Variants in APP observed in about 807,000 individuals in gnomAD.
APP encodes the protein amyloid-beta precursor protein.
A neutral mutation model predicts 101.4 loss-of-function variants in APP; 31 were observed. The observed-to-expected ratio is 0.31, with a 90% CI of 0.23 to 0.41. APP has a LOEUF of 0.41. Ranked by LOEUF, APP falls within the 10% of genes least tolerant of loss-of-function variation. The pLI is 1.00. For synonymous variants in APP, 366 were observed against 364.4 expected (o/e 1.00, Z -0.05); for missense variants, 839 against 1,003.7 (o/e 0.84, Z 2.22).
chr21:26,046,943 G>A (rs1487792728), intron 5 of APP, among the ~76,000 whole-genome samples: 1 of 152,034 alleles, frequency 6.6e-6, no homozygotes, highest in African/African-American at 2.4e-5. Flanking sequence ...CATTATGTAC[G>A]TAATTATTAT....
intron 1 of APP, among the ~76,000 whole-genome samples, chr21:26,115,407 T>C (rs1398125162): frequency 6.6e-6 from 1 of 152,232 alleles, no homozygotes; most frequent in Non-Finnish European, 1.5e-5. Flanking sequence ...AACCTTCCTA[T>C]TCTTACTGAA....
intron 5 of APP, among the ~76,000 whole-genome samples, chr21:26,045,858 G>GGCAT (rs1346202643): frequency 6.6e-6 from 1 of 152,100 alleles, no homozygotes; most frequent in African/African-American, 2.4e-5. Flanking sequence ...TGCCGATAAA[G>GGCAT]GCATACCTGA....
At chr21:25,892,753 CATT>C (rs2037777424) in intron 16 of APP, among the ~76,000 whole-genome samples, 1 of 152,260 alleles carries the variant, frequency 6.6e-6, no homozygotes, top group South Asian at 2.1e-4. Flanking sequence ...AAAAGCAAGT[CATT>C]ATTTTTCAAC....
chr21:26,025,910 T>C (rs1011693465), intron 5 of APP, among the ~76,000 whole-genome samples: 9 of 152,190 alleles, frequency 5.9e-5, no homozygotes, highest in African/African-American at 1.9e-4. Context: ...ACGGTTTTGT[T>C]TGAATAATGC....
intron 1 of APP, among the ~76,000 whole-genome samples, chr21:26,149,904 G>A (rs189634612): frequency 3.9e-5 from 6 of 152,242 alleles, no homozygotes; most frequent in Admixed American, 3.3e-4. Flanking sequence ...CAACACCCCA[G>A]CATGCTCCCA....
intron 1 of APP, among the ~76,000 whole-genome samples, chr21:26,163,637 A>C (rs879662912): frequency 9.2e-5 from 14 of 152,196 alleles, no homozygotes; most frequent in Non-Finnish European, 1.8e-4. Context: ...TCGTATGTGA[A>C]CCCACTTCTT....
chr21:25,964,650 T>G (rs573825115), intron 11 of APP, among the ~76,000 whole-genome samples: 2 of 150,298 alleles, frequency 1.3e-5, no homozygotes, highest in East Asian at 3.9e-4. Flanking sequence ...ACTCTTGTTA[T>G]ACAGGCTGGA....
chr21:25,903,221 T>C (rs978754673), intron 15 of APP, among the ~76,000 whole-genome samples: 3 of 151,290 alleles, frequency 2.0e-5, no homozygotes, highest in Non-Finnish European at 4.4e-5. Flanking sequence ...ACAAAAAAAT[T>C]AGCTGGGCAT....
intron 2 of APP, among the ~76,000 whole-genome samples, chr21:26,093,606 T>C (rs2061873402): frequency 6.6e-6 from 1 of 152,180 alleles, no homozygotes; most frequent in African/African-American, 2.4e-5. Flanking sequence ...TCCAAGTAGG[T>C]AGAATTGCAA....
intron 8 of APP, among the ~76,000 whole-genome samples, chr21:25,995,707 A>G (rs1056687057): frequency 6.6e-6 from 1 of 152,250 alleles, no homozygotes; most frequent in African/African-American, 2.4e-5. Flanking sequence ...TGCTGTACTT[A>G]CAGTGTTTTT....
chr21:26,055,959 C>T (rs899944886), intron 3 of APP, among the ~76,000 whole-genome samples: 5 of 152,226 alleles, frequency 3.3e-5, no homozygotes, highest in African/African-American at 9.6e-5. Flanking sequence ...AATCTGCTGA[C>T]GACTAGATTA....
chr21:25,932,723 T>C (rs183071282), intron 13 of APP, among the ~76,000 whole-genome samples: 1 of 151,840 alleles, frequency 6.6e-6, no homozygotes, highest in East Asian at 1.9e-4. Flanking sequence ...ATGTTTCAAC[T>C]TGAAACTAAA....
At chr21:26,005,243 G>A (rs139486090) in intron 6 of APP, among the ~76,000 whole-genome samples, 18,344 of 151,926 alleles carry the variant, frequency 0.12, 1,180 homozygotes, top group South Asian at 0.18. Context: ...GCGAAACCCT[G>A]TCTCTACTAA....
intron 8 of APP, among the ~76,000 whole-genome samples, chr21:25,989,084 T>A (rs149040180): frequency 1.3e-5 from 2 of 152,150 alleles, no homozygotes; most frequent in Non-Finnish European, 2.9e-5. Context: ...TGCTCCTCCA[T>A]CACTGGGGCC....
At chr21:25,890,272 T>G (rs1263185512) in intron 17 of APP, among the ~76,000 whole-genome samples, 1 of 152,210 alleles carries the variant, frequency 6.6e-6, no homozygotes, top group Non-Finnish European at 1.5e-5. Flanking sequence ...CAGCTTCTGT[T>G]GTAGTCTGCA....
chr21:26,049,594 T>C (rs1377107953), intron 5 of APP, among the ~76,000 whole-genome samples: 1 of 152,212 alleles, frequency 6.6e-6, no homozygotes, highest in Non-Finnish European at 1.5e-5. Context: ...TAAGGTTACA[T>C]GACTTGATAC....
intron 1 of APP, among the ~76,000 whole-genome samples, chr21:26,130,467 G>C (rs927208698): frequency 1.3e-5 from 2 of 152,238 alleles, no homozygotes; most frequent in African/African-American, 4.8e-5. Flanking sequence ...AAGGAGACAG[G>C]CTTGGCCATG....
chr21:25,893,103 G>A (rs186547513), intron 16 of APP, among the ~76,000 whole-genome samples: 60 of 152,130 alleles, frequency 3.9e-4, no homozygotes, highest in Admixed American at 1.3e-3. Flanking sequence ...ATATCTGTTT[G>A]GTGATCTGTG....
At chr21:26,022,416 T>G (rs2044383123) in intron 5 of APP, among the ~76,000 whole-genome samples, 1 of 152,132 alleles carries the variant, frequency 6.6e-6, no homozygotes. Context: ...TCATAAGTAA[T>G]AATAGATACA....
Sources: allele counts gnomAD v4.1 joint callset (sites outside exome capture counted in the v4.1 genomes callset), GRCh38; gene constraint gnomAD v4.1.1; transcripts MANE v1.5; gene names NCBI Gene and HGNC (gene_info 2026-07-23, HGNC 2026-07-21).